Variants in PCCA observed in about 807,000 individuals in gnomAD.
PCCA encodes the protein propionyl-CoA carboxylase subunit alpha.
Under a neutral mutation model 101.3 loss-of-function variants are expected in PCCA, and 74 were observed. The ratio of observed to expected loss-of-function variants is 0.73; its 90% CI spans 0.61 to 0.89. PCCA has a LOEUF of 0.89. Ranked by LOEUF, PCCA falls within the 40% of genes least tolerant of loss-of-function variation. The probability of loss-of-function intolerance (pLI) is 0.00; values close to 1 mark genes in which losing one functional copy is unlikely to be tolerated. For missense variants in PCCA, 891 were observed against 907.0 expected (o/e 0.98, Z 0.23); for synonymous variants, 294 against 313.6 (o/e 0.94, Z 0.66).
At chr13:100,437,538 T>TG (rs1491506518) in intron 20 of PCCA, among the ~76,000 whole-genome samples, 24 of 120,702 alleles carry the variant, frequency 2.0e-4, no homozygotes, top group African/African-American at 8.0e-4. Flanking sequence ...TTTGTTTATT[T>TG]GTTTTTTTTT....
intron 6 of PCCA, among the ~76,000 whole-genome samples, chr13:100,162,541 G>A (rs1473797130): frequency 6.6e-6 from 1 of 152,138 alleles, no homozygotes; most frequent in Non-Finnish European, 1.5e-5. Context: ...TGCTGTTGGT[G>A]GAGGCTTCTC....
chr13:100,383,926 T>C (rs564936492), intron 19 of PCCA, among the ~76,000 whole-genome samples: 38 of 152,362 alleles, frequency 2.5e-4, no homozygotes, highest in African/African-American at 9.1e-4. Flanking sequence ...CTCACCCTTT[T>C]TCCTTTGTTC....
intron 6 of PCCA, among the ~76,000 whole-genome samples, chr13:100,206,905 G>A (rs976373039): frequency 6.6e-6 from 1 of 152,170 alleles, no homozygotes; most frequent in Non-Finnish European, 1.5e-5. Flanking sequence ...AGAGTAATCT[G>A]AGTAGTTTCC....
chr13:100,441,989 CT>C (rs776208311), intron 20 of PCCA, among the ~76,000 whole-genome samples: 112 of 128,486 alleles, frequency 8.7e-4, no homozygotes, highest in Middle Eastern at 3.9e-3. Context: ...TTCCTTTTTT[CT>C]TTTTTTTTTT....
At chr13:100,289,372 C>T (rs2064951558) in intron 12 of PCCA, among the ~76,000 whole-genome samples, 1 of 152,084 alleles carries the variant, frequency 6.6e-6, no homozygotes, top group South Asian at 2.1e-4. Context: ...TTGTCTAGAA[C>T]TCTTGGGCTC....
At chr13:100,179,877 G>C (rs1377183304) in intron 6 of PCCA, among the ~76,000 whole-genome samples, 2 of 152,138 alleles carry the variant, frequency 1.3e-5, no homozygotes, top group Non-Finnish European at 2.9e-5. Flanking sequence ...AGCTCTCCAG[G>C]CAGAGGGAAT....
intron 18 of PCCA, among the ~76,000 whole-genome samples, chr13:100,350,708 G>A (rs930101578): frequency 2.6e-5 from 4 of 152,190 alleles, no homozygotes; most frequent in Admixed American, 2.6e-4. Context: ...TATTGCTGGA[G>A]AATTTCTCTG....
intron 16 of PCCA, 39 bp from the exon 17 acceptor site, chr13:100,330,522 G>T: frequency 8.2e-7 from 1 of 1,223,008 alleles, no homozygotes; most frequent in South Asian, 1.2e-5. Flanking sequence ...ATTTTTCACT[G>T]ATTCATTGTT....
intron 19 of PCCA, among the ~76,000 whole-genome samples, chr13:100,384,391 T>C (rs2076391988): frequency 6.6e-6 from 1 of 152,184 alleles, no homozygotes; most frequent in Non-Finnish European, 1.5e-5. Context: ...AAATGAAAAA[T>C]TCGATGAACT....
At chr13:100,413,843 A>T (rs1447740018) in intron 19 of PCCA, among the ~76,000 whole-genome samples, 1 of 152,220 alleles carries the variant, frequency 6.6e-6, no homozygotes, top group Admixed American at 6.5e-5. Context: ...TTCTTTATGT[A>T]AAGAACTCAT....
chr13:100,174,640 A>G (rs149225205), intron 6 of PCCA, among the ~76,000 whole-genome samples: 21,335 of 149,816 alleles, frequency 0.14, 1,650 homozygotes, highest in Non-Finnish European at 0.18. Context: ...AGGCAGGAGA[A>G]TTGCTTGGAC....
chr13:100,322,035 G>T (rs2068107711), intron 16 of PCCA, among the ~76,000 whole-genome samples: 1 of 152,178 alleles, frequency 6.6e-6, no homozygotes. Context: ...GTAACCTGCT[G>T]TAACAAAGAT....
intron 2 of PCCA, among the ~76,000 whole-genome samples, chr13:100,108,284 A>G (rs1341485115): frequency 6.6e-6 from 1 of 152,222 alleles, no homozygotes; most frequent in East Asian, 1.9e-4. Flanking sequence ...AGCTACTGCC[A>G]AAGTTCTTCA....
intron 21 of PCCA, among the ~76,000 whole-genome samples, chr13:100,453,869 T>C (rs764318673): frequency 2.0e-5 from 3 of 152,190 alleles, no homozygotes; most frequent in Non-Finnish European, 2.9e-5. Flanking sequence ...TGTTTTGTTT[T>C]GTTTTTGTTT....
At chr13:100,189,167 T>C (rs754703037) in intron 6 of PCCA, among the ~76,000 whole-genome samples, 2 of 152,174 alleles carry the variant, frequency 1.3e-5, no homozygotes, top group Non-Finnish European at 2.9e-5. Context: ...GATAGTTTGC[T>C]GAGAATGATG....
chr13:100,218,457 C>T (rs879646120), intron 7 of PCCA, among the ~76,000 whole-genome samples: 1 of 151,862 alleles, frequency 6.6e-6, no homozygotes, highest in Non-Finnish European at 1.5e-5. Flanking sequence ...GCTGGGATTA[C>T]AGGCGCGTGC....
At chr13:100,121,155 T>G (rs1352853515) in intron 4 of PCCA, among the ~76,000 whole-genome samples, 6 of 77,852 alleles carry the variant, frequency 7.7e-5, no homozygotes, top group African/African-American at 3.7e-4. Flanking sequence ...TTTCTTAGGT[T>G]TTTTTTTTTT....
intron 19 of PCCA, among the ~76,000 whole-genome samples, chr13:100,388,388 T>C (rs1018553051): frequency 3.3e-5 from 5 of 152,000 alleles, no homozygotes; most frequent in African/African-American, 1.2e-4. Flanking sequence ...CAAGTGAGCC[T>C]GGGAGGTCAA....
chr13:100,331,904 C>T (rs1436179768), intron 17 of PCCA, among the ~76,000 whole-genome samples: 2 of 147,644 alleles, frequency 1.4e-5, no homozygotes, highest in Non-Finnish European at 3.0e-5. Context: ...AAATCTTAGC[C>T]ATAATATTGA....
Sources: allele counts gnomAD v4.1 joint callset (sites outside exome capture counted in the v4.1 genomes callset), GRCh38; gene constraint gnomAD v4.1.1; transcripts MANE v1.5; gene names NCBI Gene and HGNC (gene_info 2026-07-23, HGNC 2026-07-21).